The following ATRNL1 variants were observed in gnomAD, a reference collection of about 807,000 sequenced individuals.
The protein encoded by ATRNL1 is attractin-like protein 1.
Under a neutral mutation model 182.7 loss-of-function variants are expected in ATRNL1, and 95 were observed. The observed-to-expected ratio is 0.52, with a 90% CI of 0.44 to 0.62. The LOEUF (loss-of-function observed/expected upper bound fraction) is 0.62. Among genes scored for constraint, ATRNL1 ranks in the 20% least tolerant of loss-of-function variants. ATRNL1 has a pLI of 0.00. For synonymous variants in ATRNL1, 576 were observed against 568.3 expected (o/e 1.01, Z -0.19); for missense variants, 1,471 against 1,679.5 (o/e 0.88, Z 2.17).
intron 26 of ATRNL1, among the ~76,000 whole-genome samples, chr10:115,639,786 A>T (rs1415911536): frequency 6.6e-6 from 1 of 151,994 alleles, no homozygotes; most frequent in Non-Finnish European, 1.5e-5. Flanking sequence ...TAAAATGATG[A>T]AAATGAGGGG....
At chr10:115,716,453 T>C (rs1377993784) in intron 26 of ATRNL1, among the ~76,000 whole-genome samples, 8 of 152,188 alleles carry the variant, frequency 5.3e-5, no homozygotes, top group African/African-American at 1.7e-4. Context: ...ATAAACTACT[T>C]AAATGTTCAA....
intron 27 of ATRNL1, among the ~76,000 whole-genome samples, chr10:115,816,615 GACACAC>G (rs35920402): frequency 1.0e-4 from 15 of 150,038 alleles, no homozygotes; most frequent in African/African-American, 2.0e-4. Flanking sequence ...GACACACACA[GACACAC>G]ACACACACAC....
intron 21 of ATRNL1, among the ~76,000 whole-genome samples, chr10:115,438,299 T>G (rs1205342828): frequency 4.0e-5 from 6 of 151,780 alleles, no homozygotes; most frequent in African/African-American, 1.5e-4. Flanking sequence ...ACCTTGATGA[T>G]TTTTTTTATC....
intron 19 of ATRNL1, among the ~76,000 whole-genome samples, chr10:115,393,492 C>T (rs1292461666): frequency 6.6e-6 from 1 of 152,034 alleles, no homozygotes; most frequent in Admixed American, 6.6e-5. Context: ...AGGAAAAGAC[C>T]ATATCATTTC....
chr10:115,863,057 C>A (rs1589618414), intron 28 of ATRNL1, among the ~76,000 whole-genome samples: 3 of 152,136 alleles, frequency 2.0e-5, no homozygotes, highest in East Asian at 3.9e-4. Context: ...CAGAAACCAA[C>A]AAGACTGTTT....
chr10:115,410,247 A>G (rs1845066403), intron 20 of ATRNL1, among the ~76,000 whole-genome samples: 1 of 150,668 alleles, frequency 6.6e-6, no homozygotes, highest in South Asian at 2.1e-4. Flanking sequence ...TTTTACTATG[A>G]TGCTCTTGTT....
At chr10:115,287,521 A>C (rs1814884294) in intron 15 of ATRNL1, among the ~76,000 whole-genome samples, 1 of 151,848 alleles carries the variant, frequency 6.6e-6, no homozygotes, top group Non-Finnish European at 1.5e-5. Context: ...AAAATGTCTT[A>C]ATTTTTCTAT....
At chr10:115,225,461 T>A (rs1330068071) in intron 9 of ATRNL1, among the ~76,000 whole-genome samples, 1 of 138,176 alleles carries the variant, frequency 7.2e-6, no homozygotes, top group East Asian at 2.0e-4. Context: ...TTCCAGCCAG[T>A]GTAATAAGGC....
At chr10:115,165,721 T>A in intron 7 of ATRNL1, 76 bp downstream of exon 7, 2 of 708,112 alleles carry the variant, frequency 2.8e-6, no homozygotes, top group Non-Finnish European at 4.5e-6. Context: ...ATACTAAATC[T>A]CAGATTTATT....
At chr10:115,164,291 AG>A (rs1184341659) in intron 6 of ATRNL1, among the ~76,000 whole-genome samples, 1 of 152,192 alleles carries the variant, frequency 6.6e-6, no homozygotes, top group Admixed American at 6.5e-5. Context: ...CATTTTATAC[AG>A]TCTTAAAAAA....
At chr10:115,284,451 A>G (rs1468518103) in intron 14 of ATRNL1, among the ~76,000 whole-genome samples, 2 of 152,194 alleles carry the variant, frequency 1.3e-5, no homozygotes, top group East Asian at 3.8e-4. Flanking sequence ...GAAAATTGAA[A>G]CACATATAGC....
intron 19 of ATRNL1, among the ~76,000 whole-genome samples, chr10:115,361,003 A>G (rs570966516): frequency 5.7e-4 from 87 of 151,942 alleles, no homozygotes; most frequent in Non-Finnish European, 7.8e-4. Flanking sequence ...CTTAATAGGG[A>G]TGCTCACAAT....
At chr10:115,613,564 C>G (rs111228028) in intron 26 of ATRNL1, among the ~76,000 whole-genome samples, 1,529 of 152,168 alleles carry the variant, frequency 0.01, 26 homozygotes, top group African/African-American at 0.035. Context: ...AAAATTCCTT[C>G]TTCATCAGTT....
chr10:115,503,429 T>C (rs1285052674), intron 24 of ATRNL1, among the ~76,000 whole-genome samples: 2 of 152,040 alleles, frequency 1.3e-5, no homozygotes, highest in South Asian at 4.1e-4. Flanking sequence ...TGAAAATGTG[T>C]TGAAGGAGAA....
intron 26 of ATRNL1, among the ~76,000 whole-genome samples, chr10:115,646,395 T>A (rs2133869312): frequency 6.6e-6 from 1 of 152,262 alleles, no homozygotes; most frequent in South Asian, 2.1e-4. Flanking sequence ...TTTTCCTCCA[T>A]ATAGTGTGTT....
chr10:115,474,771 G>A (rs1371211076), intron 24 of ATRNL1, among the ~76,000 whole-genome samples: 1 of 151,256 alleles, frequency 6.6e-6, no homozygotes, highest in Non-Finnish European at 1.5e-5. Context: ...TTTAAATTTG[G>A]TGATACAAAC....
At chr10:115,817,784 T>G (rs774945056) in intron 27 of ATRNL1, among the ~76,000 whole-genome samples, 106 of 152,020 alleles carry the variant, frequency 7.0e-4, no homozygotes, top group Admixed American at 8.5e-4. Context: ...TTTTTTGGTT[T>G]GTTTTTAATT....
Position 115,165,597 on chromosome 10 carries a change from A to G in ATRNL1, c.1044A>G (p.Pro348=), listed in dbSNP as rs2144044118. The change falls in exon 7 of 29, where the codon CCA becomes CCG. Residue 348 remains proline (P), a synonymous_variant. Transcript: ENST00000355044. ...LESSIWNVGT[P]SRGPLQRYGH... ...GCAGTATATGGAATGTAGGAACTCCATCAAGGGGACCTCTCCAGAGATATG... is the reference window on the plus strand; with the variant it reads ...GCAGTATATGGAATGTAGGAACTCCGTCAAGGGGACCTCTCCAGAGATATG... 1.9e-6 allele frequency: 3 copies of G among 1,545,618 alleles called. No homozygotes were observed. The highest frequency in any genetic ancestry group is 2.6e-6 in the Non-Finnish European group (3 of 1,137,028).
chr10:115,885,838 T>A (rs926626093), intron 28 of ATRNL1, among the ~76,000 whole-genome samples: 3 of 152,242 alleles, frequency 2.0e-5, no homozygotes, highest in African/African-American at 7.2e-5. Flanking sequence ...TTTAACCAGT[T>A]TTGATGGACG....
Sources: gnomAD v4.1 joint callset for allele counts (sites outside exome capture counted in the v4.1 genomes callset) on GRCh38, gnomAD v4.1.1 for gene constraint, MANE v1.5 for transcripts, NCBI Gene and HGNC (gene_info 2026-07-23, HGNC 2026-07-21) for gene names.